Variants in SLC36A1 observed in about 807,000 individuals in gnomAD.
SLC36A1 encodes the protein proton-coupled amino acid transporter 1.
Under a neutral mutation model 47.5 loss-of-function variants are expected in SLC36A1, and 30 were observed. That is an observed-to-expected ratio of 0.63 (90% CI 0.47 to 0.86). The LOEUF is 0.86. Among genes scored for constraint, SLC36A1 ranks in the 40% least tolerant of loss-of-function variants. The pLI is 0.00. For synonymous variants in SLC36A1, 255 were observed against 249.7 expected, an observed-to-expected ratio of 1.02 and a Z score of -0.20; for missense variants, 517 against 606.0, an observed-to-expected ratio of 0.85 and a Z score of 1.54.
the SLC36A1 span, chr5:151,537,941 G>C: frequency 6.2e-7 from 1 of 1,613,764 alleles, no homozygotes; most frequent in Non-Finnish European, 8.5e-7. Flanking sequence ...TGCCAGTATA[G>C]AGAAGCTAGA....
chr5:151,468,733 C>T (rs557021600), intron 7 of SLC36A1, among the ~76,000 whole-genome samples: 13 of 151,948 alleles, frequency 8.6e-5, no homozygotes, highest in Non-Finnish European at 1.8e-4. Context: ...CTGGTTTAGA[C>T]TTTTTTCAAT....
At chr5:151,465,037 C>A in intron 4 of SLC36A1, 37 bp from the exon 5 acceptor site, 1 of 1,503,404 alleles carries the variant, frequency 6.7e-7, no homozygotes, top group Non-Finnish European at 9.3e-7. Flanking sequence ...GTCTAATCCA[C>A]GTGCTCTGTC....
chr5:151,465,299 C>T, intron 5 of SLC36A1, 130 bp downstream of exon 5: 1 of 737,602 alleles, frequency 1.4e-6, no homozygotes. Flanking sequence ...TGGGCTGTGG[C>T]TCAGCTCTGC....
the SLC36A1 span, chr5:151,543,077 T>A: frequency 1.2e-6 from 2 of 1,614,164 alleles, no homozygotes; most frequent in East Asian, 2.2e-5. Flanking sequence ...GATACTTTTT[T>A]AGGAACCACC....
chr5:151,424,918 A>G, the SLC36A1 span, among the ~76,000 whole-genome samples: 19 of 152,216 alleles, frequency 1.2e-4, no homozygotes, highest in Non-Finnish European at 2.2e-4. Context: ...TGGTTGCACA[A>G]CTTTGTAAAT....
chr5:151,495,264 T>C (rs1211201424), downstream of SLC36A1, among the ~76,000 whole-genome samples: 2 of 152,250 alleles, frequency 1.3e-5, no homozygotes, highest in Non-Finnish European at 2.9e-5. Flanking sequence ...ACGTGCTTAT[T>C]GGCCTAAGGA....
intron 7 of SLC36A1, among the ~76,000 whole-genome samples, chr5:151,468,448 A>G (rs1331855663): frequency 3.4e-5 from 5 of 146,962 alleles, no homozygotes; most frequent in African/African-American, 1.2e-4. Context: ...ATATATATAC[A>G]TAATATATAT....
At chr5:151,546,813 G>A in the SLC36A1 span, among the ~76,000 whole-genome samples, 7 of 151,998 alleles carry the variant, frequency 4.6e-5, no homozygotes, top group African/African-American at 1.7e-4. Flanking sequence ...CAAACTCCTG[G>A]GCTCAAGCGG....
the SLC36A1 span, chr5:151,381,940 G>A: frequency 1.5e-5 from 6 of 406,938 alleles, no homozygotes; most frequent in African/African-American, 1.2e-4. Context: ...TGATGAATCT[G>A]CTCTGTCTAG....
the SLC36A1 span, chr5:151,542,397 C>A: frequency 6.2e-7 from 1 of 1,614,214 alleles, no homozygotes; most frequent in Non-Finnish European, 8.5e-7. Context: ...ATCCTCTGTA[C>A]TCTTCAGAAG....
At chr5:151,546,995 C>A in the SLC36A1 span, among the ~76,000 whole-genome samples, 1 of 152,174 alleles carries the variant, frequency 6.6e-6, no homozygotes, top group Non-Finnish European at 1.5e-5. Context: ...ATTCTCACAT[C>A]ACCTTTATAA....
At chr5:151,457,175 C>T (rs1754666748) in intron 1 of SLC36A1, among the ~76,000 whole-genome samples, 2 of 152,100 alleles carry the variant, frequency 1.3e-5, no homozygotes. Flanking sequence ...GCAACTGGGA[C>T]TCTGTAGAGT....
In SLC36A1 at chr5:151,464,522, C is replaced by T. The variant is rs1264776961; in HGVS notation, c.243C>T (p.Pro81=). The part of the protein sequence containing the change: ...AVKNAGIVMG[P]ISLLIIGIVA... ...GCAATATCTGTCCCCAGATGGGTCCCATCAGCCTGCTGATCATAGGCATCG... is the reference window on the plus strand; with the variant it reads ...GCAATATCTGTCCCCAGATGGGTCCTATCAGCCTGCTGATCATAGGCATCG... Residue 81 remains proline, a synonymous_variant, in exon 4 of 11, where the codon CCC becomes CCT. Transcript: ENST00000243389. The T allele has an allele frequency of 4.3e-6, 7 of 1,613,766 alleles. No individual in the cohort carries two copies. The South Asian group carries it at 7.7e-5, about 18-fold the overall frequency.
intron 9 of SLC36A1, 86 bp from the exon 10 acceptor site, chr5:151,479,234 A>T: frequency 6.9e-7 from 1 of 1,442,160 alleles, no homozygotes; most frequent in East Asian, 2.3e-5. Context: ...AGTGTCAACA[A>T]ATCGCAATGG....
At chr5:151,444,548 C>T (rs182554726), upstream of SLC36A1, among the ~76,000 whole-genome samples, 7 of 152,162 alleles carry the variant, frequency 4.6e-5, no homozygotes, top group African/African-American at 7.2e-5. Context: ...TGAAGGGGCG[C>T]GATCTCAGCT....
chr5:151,522,255 T>G, the SLC36A1 span: 1 of 565,588 alleles, frequency 1.8e-6, no homozygotes, highest in Non-Finnish European at 3.1e-6. Flanking sequence ...CCAAAAGCAC[T>G]GACAGAAAAG....
the SLC36A1 span, chr5:151,507,352 T>G: frequency 2.5e-6 from 4 of 1,614,030 alleles, no homozygotes; most frequent in African/African-American, 5.3e-5. Context: ...GAGCTGGCAC[T>G]CAATGGGTTG....
Position 151,464,591 on chromosome 5 carries a change from C to T in SLC36A1, c.312C>T (p.His104=). ...CMGILVKCAH[H]FCRRLNKSFV... ...GTATCCTGGTGAAATGTGCTCACCA[C>T]TTCTGCCGCAGGTGAGAGCCCTCTG... is the stretch of plus-strand genomic sequence containing the variant. Residue 104 remains histidine, a synonymous_variant, in exon 4 of 11, where the codon CAC becomes CAT. Coordinates refer to ENST00000243389, the MANE Select transcript of SLC36A1 (RefSeq NM_078483.4). 6.2e-7 allele frequency: 1 copy of T among 1,614,016 alleles called. No homozygotes were observed. The highest frequency in any genetic ancestry group is 8.5e-7 in the Non-Finnish European group (1 of 1,179,888).
the SLC36A1 span, among the ~76,000 whole-genome samples, chr5:151,417,037 G>A: frequency 5.9e-5 from 9 of 152,124 alleles, no homozygotes; most frequent in Admixed American, 3.3e-4. Context: ...GCTTCCTGAG[G>A]CCTCCCCAAC....
Sources: gnomAD v4.1 joint callset for allele counts (sites outside exome capture counted in the v4.1 genomes callset) on GRCh38, gnomAD v4.1.1 for gene constraint, MANE v1.5 for transcripts, NCBI Gene and HGNC (gene_info 2026-07-23, HGNC 2026-07-21) for gene names.